The following HSPA4 variants were observed in gnomAD, a reference collection of about 807,000 sequenced individuals.
HSPA4 encodes heat shock protein family A (Hsp70) member 4.
HSPA4 carries 25 observed loss-of-function variants against 106.2 expected under a neutral mutation model. That is an observed-to-expected ratio of 0.24 (90% CI 0.17 to 0.33). The LOEUF (loss-of-function observed/expected upper bound fraction) is 0.33. HSPA4 is among the 10% of genes least tolerant of loss of function. The probability of loss-of-function intolerance (pLI) is 1.00; values close to 1 mark genes in which losing one functional copy is unlikely to be tolerated. For synonymous variants in HSPA4, 332 were observed against 333.6 expected (o/e 1.00, Z 0.05); for missense variants, 841 against 996.0 (o/e 0.84, Z 2.10).
At position 133,104,396 on chromosome 5, in the gene HSPA4, C is replaced by T. The variant is rs377082440; in HGVS notation, c.2483C>T (p.Ser828Leu). The T allele has an allele frequency of 7.4e-6, 12 of 1,613,984 alleles. No homozygotes were observed. Among genetic ancestry groups the T allele is most frequent in the African/African-American group, 4.0e-5 (3 of 74,914 alleles). The change falls in exon 19 of 19, where the codon TCG (serine) becomes TTG (leucine). Residue 828 changes from serine (S) to leucine (L), a missense_variant. By Grantham distance (145) the Ser-to-Leu change is moderately radical. This residue lies in a region of HSPA4 where 328 missense variants were observed against 372.2 expected (regional missense o/e 0.88). Coordinates refer to ENST00000304858, the MANE Select transcript of HSPA4 (RefSeq NM_002154.4). ...CAGGGTACAGACACAGCTGTGCCTT[C>T]GGATTCAGACAAGAAGCTTCCTGAA... is the stretch of plus-strand genomic sequence containing the variant. ...AEQGTDTAVP[S>L]DSDKKLPEMD...
intron 17 of HSPA4, among the ~76,000 whole-genome samples, chr5:133,102,437 A>T (rs905574341): frequency 6.6e-6 from 1 of 152,114 alleles, no homozygotes; most frequent in Non-Finnish European, 1.5e-5. Context: ...TTGGTGTTTG[A>T]CTTAACATGC....
At chr5:133,080,438 AAAAC>A (rs1765500745) in intron 7 of HSPA4, among the ~76,000 whole-genome samples, 1 of 150,830 alleles carries the variant, frequency 6.6e-6, no homozygotes. Flanking sequence ...AAAAAAAAAA[AAAAC>A]CCAATAATTT....
At chr5:133,101,051 C>T (rs1765778757) in intron 16 of HSPA4, among the ~76,000 whole-genome samples, 1 of 152,180 alleles carries the variant, frequency 6.6e-6, no homozygotes. Context: ...AGCAATTCTC[C>T]TGCCTTGGTC....
At chr5:133,076,404 T>A (rs147891717) in intron 6 of HSPA4, among the ~76,000 whole-genome samples, 52 of 152,336 alleles carry the variant, frequency 3.4e-4, no homozygotes, top group African/African-American at 1.2e-3. Flanking sequence ...TTCTACCACT[T>A]AGTAGCTTTG....
rs771471905 is a variant in HSPA4 at position 133,091,053 on chromosome 5, A to C, written c.1379-140A>C. 6.5e-6 allele frequency: 5 copies of C among 773,968 alleles called. 1 individual carries two copies. The East Asian group carries it at 1.2e-4, about 19-fold the overall frequency. The allele number at this position is 773,968 out of a possible 1,614,324, so 47.9% of individuals were successfully genotyped here. A position where few individuals can be genotyped will look rare whatever the true frequency, so the allele number is the denominator to read the frequency against. ...TCTGATGATTTAATAAGATTCTAAAAGGACCGATTTTGCTTATTTTAAGCA... is the reference window on the plus strand; with the variant it reads ...TCTGATGATTTAATAAGATTCTAAACGGACCGATTTTGCTTATTTTAAGCA... On this transcript the variant is annotated intron_variant, in intron 11 of 18. Coordinates refer to ENST00000304858, the MANE Select transcript of HSPA4 (RefSeq NM_002154.4).
At chr5:133,068,959 C>T (rs899710142) in intron 3 of HSPA4, among the ~76,000 whole-genome samples, 2 of 152,148 alleles carry the variant, frequency 1.3e-5, no homozygotes, top group Non-Finnish European at 2.9e-5. Flanking sequence ...GATATTTCCC[C>T]ATCTTTATCA....
intron 1 of HSPA4, among the ~76,000 whole-genome samples, 181 bp downstream of exon 1, chr5:133,052,538 G>T (rs1238174080): frequency 6.6e-6 from 1 of 152,250 alleles, no homozygotes; most frequent in Non-Finnish European, 1.5e-5. Flanking sequence ...CCCACTATGA[G>T]CGTGGGTGTG....
intron 1 of HSPA4, among the ~76,000 whole-genome samples, chr5:133,060,868 G>A (rs1193920048): frequency 6.9e-6 from 1 of 145,334 alleles, no homozygotes; most frequent in East Asian, 2.0e-4. Flanking sequence ...CACTCAGGGT[G>A]GAGTGTAGTG....
intron 1 of HSPA4, among the ~76,000 whole-genome samples, chr5:133,056,550 C>T (rs897291232): frequency 1.3e-5 from 2 of 152,186 alleles, no homozygotes; most frequent in African/African-American, 4.8e-5. Flanking sequence ...GGAATACAGG[C>T]GTGAGCCACC....
intron 13 of HSPA4, among the ~76,000 whole-genome samples, chr5:133,094,494 C>G (rs1765686800): frequency 6.6e-6 from 1 of 152,116 alleles, no homozygotes; most frequent in South Asian, 2.1e-4. Context: ...CTTACAGATT[C>G]TTTAGTTGGG....
chr5:133,098,250 T>C (rs1487087466), intron 15 of HSPA4, among the ~76,000 whole-genome samples: 1 of 152,200 alleles, frequency 6.6e-6, no homozygotes, highest in Non-Finnish European at 1.5e-5. Context: ...TTTGCTACTT[T>C]TTATGACTCA....
intron 13 of HSPA4, among the ~76,000 whole-genome samples, chr5:133,094,028 G>A (rs1200458800): frequency 6.6e-6 from 1 of 152,168 alleles, no homozygotes; most frequent in Non-Finnish European, 1.5e-5. Context: ...GGGAGATGGA[G>A]GTTATGTGAG....
intron 17 of HSPA4, among the ~76,000 whole-genome samples, chr5:133,103,371 CTTCT>C (rs1163039933): frequency 6.6e-6 from 1 of 150,670 alleles, no homozygotes. Context: ...AGGCCTTCTT[CTTCT>C]TTTTTTTTTT....
chr5:133,085,489 T>TTAA (rs1554089513), intron 7 of HSPA4, among the ~76,000 whole-genome samples: 1 of 110,282 alleles, frequency 9.1e-6, no homozygotes, highest in African/African-American at 5.0e-5. Flanking sequence ...CCATCTCTAC[T>TTAA]AAAAAAAAAA....
intron 1 of HSPA4, among the ~76,000 whole-genome samples, chr5:133,062,772 A>G (rs985547645): frequency 2.6e-5 from 4 of 152,184 alleles, no homozygotes; most frequent in Non-Finnish European, 2.9e-5. Context: ...GTCATTTAAT[A>G]GAAGTCATGG....
At chr5:133,083,081 G>GC (rs1765534078) in intron 7 of HSPA4, among the ~76,000 whole-genome samples, 1 of 150,220 alleles carries the variant, frequency 6.7e-6, no homozygotes, top group African/African-American at 2.5e-5. Flanking sequence ...GCTGCAGTGA[G>GC]CCGAGATACT....
intron 3 of HSPA4, among the ~76,000 whole-genome samples, chr5:133,069,085 A>G (rs902625675): frequency 9.2e-5 from 14 of 152,278 alleles, no homozygotes; most frequent in Non-Finnish European, 1.9e-4. Flanking sequence ...AGAGAGCAAC[A>G]TGTTCTATTC....
At chr5:133,072,392 G>GTGTT (rs1765393113) in intron 4 of HSPA4, among the ~76,000 whole-genome samples, 1 of 75,726 alleles carries the variant, frequency 1.3e-5, no homozygotes, top group Non-Finnish European at 2.4e-5. Context: ...GTCCAGGGTT[G>GTGTT]TTTTTTTTTT....
intron 4 of HSPA4, among the ~76,000 whole-genome samples, chr5:133,072,016 C>T (rs968822924): frequency 6.6e-6 from 1 of 152,120 alleles, no homozygotes; most frequent in African/African-American, 2.4e-5. Context: ...TTTGATCCTG[C>T]ATAACACTCT....
Sources: gnomAD v4.1 joint callset for allele counts (sites outside exome capture counted in the v4.1 genomes callset) on GRCh38, gnomAD v4.1.1 for gene constraint, gnomAD v4.1.1 regional missense constraint, MANE v1.5 for transcripts, NCBI Gene and HGNC (gene_info 2026-07-23, HGNC 2026-07-21) for gene names.